Variants in MYO9A observed in about 807,000 individuals in gnomAD.
MYO9A encodes the protein unconventional myosin-IXa.
MYO9A carries 103 observed loss-of-function variants against 293.3 expected under a neutral mutation model. The ratio of observed to expected loss-of-function variants is 0.35; its 90% CI spans 0.30 to 0.41. The LOEUF is 0.41. Among genes scored for constraint, MYO9A ranks in the 10% least tolerant of loss-of-function variants. The probability of loss-of-function intolerance (pLI) is 1.00; values close to 1 mark genes in which losing one functional copy is unlikely to be tolerated. For synonymous variants in MYO9A, 1,001 were observed against 1,035.7 expected, an observed-to-expected ratio of 0.97 and a Z score of 0.64; for missense variants, 2,685 against 3,033.0, an observed-to-expected ratio of 0.89 and a Z score of 2.69.
chr15:71,877,028 A>G (rs2056715404), intron 31 of MYO9A, among the ~76,000 whole-genome samples: 1 of 152,180 alleles, frequency 6.6e-6, no homozygotes, highest in South Asian at 2.1e-4. Flanking sequence ...GGGATTGAAG[A>G]GGTTTTGGAA....
chr15:71,938,172 C>T lies in MYO9A; in HGVS notation c.2378+680G>A, dbSNP rs73434359. Among the ~76,000 whole-genome samples, 806 of 152,062 alleles carry T rather than the reference C, an allele frequency of 5.3e-3. 5 individuals are homozygous for T. The highest frequency in any genetic ancestry group is 0.019 in the African/African-American group (777 of 41,500). ...TATGTATTAGAAAGACACGGTGACTCAATTGGAAAAAATGATCAATGAAGT... is the reference window on the plus strand; with the variant it reads ...TATGTATTAGAAAGACACGGTGACTTAATTGGAAAAAATGATCAATGAAGT... On this transcript the variant is annotated intron_variant, in intron 16 of 41. Coordinates refer to ENST00000356056, the MANE Select transcript of MYO9A (RefSeq NM_006901.4).
Position 71,991,181 on chromosome 15 carries a change from G to C in MYO9A, c.1644C>G (p.Ser548Arg). 3 of 1,608,742 alleles carry C rather than the reference G, an allele frequency of 1.9e-6. No homozygotes were observed. Among genetic ancestry groups the C allele is most frequent in the Non-Finnish European group, 2.5e-6 (3 of 1,177,294 alleles). The change falls in exon 11 of 42, where the codon AGC (serine) becomes AGG (arginine). Residue 548 changes from serine to arginine, a missense_variant. Physicochemically the swap from Ser to Arg is moderately radical, Grantham distance 110. Coordinates refer to ENST00000356056, the MANE Select transcript of MYO9A (RefSeq NM_006901.4). ...IFGFEDYENN[S>R]FEQFCINFAN... ...CAAAATTAATACAGAACTGTTCAAA[G>C]CTGTTATTTTCATAATCTTCAAACC...
intron 39 of MYO9A, among the ~76,000 whole-genome samples, chr15:71,845,358 C>A (rs2055338538): frequency 6.7e-6 from 1 of 148,532 alleles, no homozygotes; most frequent in Non-Finnish European, 1.5e-5. Flanking sequence ...AGGAATTATT[C>A]TCATCAAATA....
intron 1 of MYO9A, among the ~76,000 whole-genome samples, chr15:72,110,660 T>C (rs8030815): frequency 0.63 from 95,027 of 151,906 alleles, 31,362 homozygotes; most frequent in Middle Eastern, 0.74. Flanking sequence ...ATTAATCTTA[T>C]ATGCTAAGAC....
intron 7 of MYO9A, among the ~76,000 whole-genome samples, chr15:72,008,986 A>G (rs2077097494): frequency 6.6e-6 from 1 of 152,214 alleles, no homozygotes. Context: ...GAGGTACTGA[A>G]TCACCATCTA....
chr15:72,074,951 CTTTTTTTTTTT>C (rs750462703), intron 1 of MYO9A, among the ~76,000 whole-genome samples: 25 of 53,128 alleles, frequency 4.7e-4, no homozygotes, highest in Admixed American at 1.1e-3. Flanking sequence ...TTTTCACTGC[CTTTTTTTTTTT>C]TTTTTTTTTT....
At chr15:72,072,622 G>A (rs868704372) in intron 1 of MYO9A, among the ~76,000 whole-genome samples, 1 of 152,144 alleles carries the variant, frequency 6.6e-6, no homozygotes, top group Non-Finnish European at 1.5e-5. Context: ...AATGCAGCTG[G>A]AGGCCATTAT....
At chr15:71,903,552 A>G (rs1443475872) in intron 21 of MYO9A, among the ~76,000 whole-genome samples, 3 of 152,210 alleles carry the variant, frequency 2.0e-5, no homozygotes, top group Non-Finnish European at 4.4e-5. Context: ...GCTTACTATG[A>G]AAGAAAATCC....
At chr15:71,917,618 T>C (rs758783176) in intron 18 of MYO9A, among the ~76,000 whole-genome samples, 2 of 152,156 alleles carry the variant, frequency 1.3e-5, no homozygotes, top group Non-Finnish European at 2.9e-5. Flanking sequence ...AAATGGGAGT[T>C]AGACATGAAG....
chr15:72,009,916 TAATAG>T (rs1348426954), intron 7 of MYO9A, among the ~76,000 whole-genome samples: 7 of 152,110 alleles, frequency 4.6e-5, no homozygotes, highest in Admixed American at 2.6e-4. Context: ...TTAAAAAACT[TAATAG>T]TATAGTACAG....
intron 30 of MYO9A, among the ~76,000 whole-genome samples, chr15:71,879,014 C>A (rs1596090976): frequency 6.6e-6 from 1 of 152,214 alleles, no homozygotes; most frequent in East Asian, 1.9e-4. Flanking sequence ...CTCAGCCACC[C>A]AAAGTGCTGG....
At position 72,027,753 on chromosome 15, in the gene MYO9A, C is replaced by T. The variant is rs886479023; in HGVS notation, c.976G>A (p.Val326Ile). The T allele has an allele frequency of 2.1e-5, 33 of 1,608,396 alleles. No homozygotes were observed. The highest frequency in any genetic ancestry group is 2.7e-5 in the Non-Finnish European group (32 of 1,177,980). ...EKYLLEKSRL[V>I]YQEHNERNYH... ...TACCGTTCATTATGCTCCTGATAAA[C>T]GAGTCTGGACTTCTCCAGTAGATAT... Residue 326 changes from valine to isoleucine, a missense_variant, in exon 4 of 42, where the codon GTT (valine) becomes ATT (isoleucine). By Grantham distance (29) the Val-to-Ile change is conservative. Transcript: ENST00000356056.
At chr15:72,033,238 A>C (rs2077933637) in intron 2 of MYO9A, among the ~76,000 whole-genome samples, 1 of 152,218 alleles carries the variant, frequency 6.6e-6, no homozygotes, top group African/African-American at 2.4e-5. Flanking sequence ...AAAAAGTCTT[A>C]ATATATTTAT....
At chr15:71,888,795 T>C (rs1280656678) in intron 26 of MYO9A, among the ~76,000 whole-genome samples, 1 of 152,212 alleles carries the variant, frequency 6.6e-6, no homozygotes, top group African/African-American at 2.4e-5. Flanking sequence ...TCTGTAGTTA[T>C]AATATTCTTT....
chr15:71,981,105 T>C (rs777562344), intron 11 of MYO9A, among the ~76,000 whole-genome samples: 6 of 152,246 alleles, frequency 3.9e-5, no homozygotes, highest in Non-Finnish European at 8.8e-5. Flanking sequence ...CTTGATTCAG[T>C]TAAATGTAAA....
chr15:71,858,320 C>A (rs1262408571), intron 34 of MYO9A, among the ~76,000 whole-genome samples: 1 of 151,960 alleles, frequency 6.6e-6, no homozygotes, highest in African/African-American at 2.4e-5. Context: ...ATGTTTATTG[C>A]GGCACTATTC....
At chr15:72,118,204 C>G, upstream of MYO9A, 1 of 356,234 alleles carries the variant, frequency 2.8e-6, no homozygotes, top group East Asian at 4.2e-5. Context: ...CCCTGTCCCG[C>G]CCCCGCACGT....
At chr15:71,949,444 A>T (rs925255028) in intron 15 of MYO9A, among the ~76,000 whole-genome samples, 2 of 150,944 alleles carry the variant, frequency 1.3e-5, no homozygotes, top group African/African-American at 4.9e-5. Flanking sequence ...TTAACCAAAT[A>T]AGGGATGTTT....
chr15:72,067,954 GAAC>G (rs2079070289), intron 1 of MYO9A, among the ~76,000 whole-genome samples: 1 of 152,016 alleles, frequency 6.6e-6, no homozygotes, highest in Admixed American at 6.6e-5. Context: ...TTACTCATAA[GAAC>G]AACACAAAGC....
Sources: allele counts gnomAD v4.1 joint callset (sites outside exome capture counted in the v4.1 genomes callset), GRCh38; gene constraint gnomAD v4.1.1; transcripts MANE v1.5; gene names NCBI Gene and HGNC (gene_info 2026-07-23, HGNC 2026-07-21).